Variants in ENOX2 observed in about 807,000 individuals in gnomAD.
ENOX2 encodes the protein ecto-NOX disulfide-thiol exchanger 2.
A neutral mutation model predicts 45.0 loss-of-function variants in ENOX2; 36 were observed. The observed-to-expected ratio is 0.80, with a 90% CI of 0.61 to 1.06. ENOX2 has a LOEUF of 1.06. Among genes scored for constraint, ENOX2 ranks in the 50% least tolerant of loss-of-function variants. The pLI is 0.00. For synonymous variants in ENOX2, 174 were observed against 152.3 expected, an observed-to-expected ratio of 1.14 and a Z score of -1.05; for missense variants, 423 against 462.5, an observed-to-expected ratio of 0.91 and a Z score of 0.78.
At chrX:130,641,406 A>C (rs1484097997) in intron 10 of ENOX2, among the ~76,000 whole-genome samples, 1 of 111,848 alleles carries the variant, frequency 8.9e-6, no homozygotes, top group Non-Finnish European at 1.9e-5. Flanking sequence ...GCATCAAAGA[A>C]TGAAAAAGTG....
At chrX:130,742,414 T>C (rs2039006788) in intron 3 of ENOX2, among the ~76,000 whole-genome samples, 1 of 109,439 alleles carries the variant, frequency 9.1e-6, no homozygotes, top group African/African-American at 3.3e-5. Context: ...CAAAGAGTGG[T>C]GATGAATGGA....
intron 9 of ENOX2, among the ~76,000 whole-genome samples, chrX:130,658,408 T>C (rs2036600106): frequency 9.0e-6 from 1 of 111,675 alleles, no homozygotes; most frequent in Non-Finnish European, 1.9e-5. Context: ...ATTACAAAGA[T>C]CTAAGATACA....
chrX:130,887,027 C>T (rs1026028854), intron 2 of ENOX2, among the ~76,000 whole-genome samples: 3 of 111,698 alleles, frequency 2.7e-5, no homozygotes, highest in African/African-American at 6.5e-5. Flanking sequence ...TAACAGAAAA[C>T]GCAGATTTTA....
At chrX:130,824,052 C>T in intron 2 of ENOX2, among the ~76,000 whole-genome samples, 1 of 111,902 alleles carries the variant, frequency 8.9e-6, no homozygotes, top group East Asian at 2.8e-4. Context: ...AATTTCTTCA[C>T]TTTATATTTG....
rs1321241469 is a variant in ENOX2 at position 130,677,766 on chromosome X, TA to T, written c.460+1775del. 2.7e-5 allele frequency among the ~76,000 whole-genome samples: 3 copies of T among 111,341 alleles called. No homozygotes were observed. In the Admixed American group the frequency reaches 2.9e-4, roughly 11 times the overall value. ...CTTAGACTTCCAGCCTCCATAACTA[TA>T]AAAAATAAATTCCTTTTCTTTATAA... is the stretch of plus-strand genomic sequence containing the variant. On this transcript the variant is annotated intron_variant, in intron 6 of 14. Transcript: ENST00000394363.
chrX:130,807,995 TACTC>T (rs2077333535), intron 2 of ENOX2, among the ~76,000 whole-genome samples: 1 of 112,550 alleles, frequency 8.9e-6, no homozygotes, highest in South Asian at 3.7e-4. Flanking sequence ...ATAGCAAAAA[TACTC>T]AGTAAAAATG....
At chrX:130,759,341 A>C (rs753552163) in intron 3 of ENOX2, among the ~76,000 whole-genome samples, 19 of 110,263 alleles carry the variant, frequency 1.7e-4, no homozygotes, top group African/African-American at 5.6e-4. Context: ...CATTTGAAAA[A>C]TTAATTTTGG....
chrX:130,800,974 T>C (rs2077207720), intron 2 of ENOX2, among the ~76,000 whole-genome samples: 1 of 112,418 alleles, frequency 8.9e-6, no homozygotes, highest in Non-Finnish European at 1.9e-5. Context: ...TTCAAATGAA[T>C]AGTACAATCA....
intron 2 of ENOX2, among the ~76,000 whole-genome samples, chrX:130,802,124 C>A (rs1003783963): frequency 8.9e-6 from 1 of 112,137 alleles, no homozygotes; most frequent in African/African-American, 3.2e-5. Flanking sequence ...GCAGAGTCTG[C>A]TTATCAAGTC....
intron 2 of ENOX2, among the ~76,000 whole-genome samples, chrX:130,865,442 G>T (rs191838836): frequency 2.0e-3 from 220 of 111,898 alleles, no homozygotes; most frequent in Non-Finnish European, 3.0e-3. Flanking sequence ...CAATAATACT[G>T]CCTGATAAGC....
chrX:130,763,117 A>G (rs1208539920), intron 3 of ENOX2, among the ~76,000 whole-genome samples: 1 of 111,879 alleles, frequency 8.9e-6, no homozygotes, highest in Admixed American at 9.5e-5. Context: ...AGTCTACTTT[A>G]TCTTATATTA....
In ENOX2 at chrX:130,829,035, A is replaced by G. The variant is rs1394542568; in HGVS notation, c.-182-45345T>C. On this transcript the variant is annotated intron_variant, in intron 2 of 14. Transcript: ENST00000394363. The stretch of plus-strand genomic sequence containing the variant: ...TTATTGTAACATATAACAAATGTGC[A>G]CTTCTTTATTTAGCCCTTCTAGCCT... 2.7e-5 allele frequency among the ~76,000 whole-genome samples: 3 copies of G among 111,699 alleles called. No homozygotes were observed. In the Admixed American group the frequency reaches 2.9e-4, roughly 11 times the overall value.
chrX:130,826,202 A>C (rs1420591325), intron 2 of ENOX2, among the ~76,000 whole-genome samples: 2 of 111,820 alleles, frequency 1.8e-5, no homozygotes, highest in East Asian at 5.6e-4. Flanking sequence ...AGTCACATTC[A>C]AAAACTAAAG....
At chrX:130,780,470 G>A (rs1350825215) in intron 3 of ENOX2, among the ~76,000 whole-genome samples, 1 of 111,785 alleles carries the variant, frequency 8.9e-6, no homozygotes, top group Non-Finnish European at 1.9e-5. Flanking sequence ...TAGAAATGTG[G>A]GTAATAGTAT....
intron 2 of ENOX2, among the ~76,000 whole-genome samples, chrX:130,894,458 T>C: frequency 9.4e-6 from 1 of 106,946 alleles, no homozygotes; most frequent in Non-Finnish European, 1.9e-5. Flanking sequence ...AAGATTCAAA[T>C]AAAATATTCA....
intron 10 of ENOX2, among the ~76,000 whole-genome samples, chrX:130,639,946 T>C (rs1220010868): frequency 2.7e-5 from 3 of 112,117 alleles, no homozygotes; most frequent in Admixed American, 9.4e-5. Flanking sequence ...GGGTAGCTTA[T>C]GAACAACAGT....
intron 5 of ENOX2, among the ~76,000 whole-genome samples, chrX:130,687,874 C>T (rs1395245909): frequency 8.9e-6 from 1 of 112,018 alleles, no homozygotes. Context: ...AATCTGGGTC[C>T]CTGCCAGGGC....
At position 130,646,936 on chromosome X, in the gene ENOX2, C is replaced by T. The variant is rs181644982; in HGVS notation, c.1130-9526G>A. On this transcript the variant is annotated intron_variant, in intron 10 of 14. Transcript: ENST00000394363. Reference sequence around the variant, plus strand: ...TTGTTTGTATTTCGACAGTATCAAGCGTAGGCCCTGAACATAACCTGTTAG... The same window carrying T: ...TTGTTTGTATTTCGACAGTATCAAGTGTAGGCCCTGAACATAACCTGTTAG... Among the ~76,000 whole-genome samples, 5 of 112,039 alleles carry T rather than the reference C, an allele frequency of 4.5e-5. No homozygotes were observed. The East Asian group carries it at 8.4e-4, about 19-fold the overall frequency.
intron 5 of ENOX2, among the ~76,000 whole-genome samples, chrX:130,687,313 G>C (rs1205975573): frequency 8.9e-6 from 1 of 112,132 alleles, no homozygotes; most frequent in African/African-American, 3.2e-5. Flanking sequence ...GCCTGCTGCA[G>C]GCTGATTATG....
Sources: allele counts gnomAD v4.1 joint callset (sites outside exome capture counted in the v4.1 genomes callset), GRCh38; gene constraint gnomAD v4.1.1; transcripts MANE v1.5; gene names NCBI Gene and HGNC (gene_info 2026-07-23, HGNC 2026-07-21).